The following CHD3 variants were observed in gnomAD, a reference collection of about 807,000 sequenced individuals.
CHD3 encodes the protein chromodomain helicase DNA binding protein 3.
CHD3 carries 52 observed loss-of-function variants against 248.9 expected under a neutral mutation model. That is an observed-to-expected ratio of 0.21 (90% CI 0.17 to 0.26). CHD3 has a LOEUF of 0.26. CHD3 is among the 10% of genes least tolerant of loss of function. The pLI is 1.00. For synonymous variants in CHD3, 985 were observed against 985.2 expected (o/e 1.00, Z 0.00); for missense variants, 1,482 against 2,605.8 (o/e 0.57, Z 9.39).
In CHD3 at chr17:7,910,065, C is replaced by A. The variant is rs954194333; in HGVS notation, c.5591-363C>A. On this transcript the variant is annotated intron_variant, in intron 37 of 39. Coordinates refer to ENST00000330494, the MANE Select transcript of CHD3 (RefSeq NM_001005273.3). This position sits in a 1 kb window ranked among gnomAD's most constrained non-coding sequence, Gnocchi z 4.7. ...ACTATTTCCTCCCCATCATCCCCAA[C>A]CCCAAACCTTGCTCTTCCAGTATGA... 2.9e-6 allele frequency: 1 copy of A among 345,718 alleles called. No homozygotes were observed. The allele number at this position is 345,718 out of a possible 1,614,324, so 21.4% of individuals were successfully genotyped here. A position where few individuals can be genotyped will look rare whatever the true frequency, so the allele number is the denominator to read the frequency against.
At position 7,909,613 on chromosome 17, in the gene CHD3, C is replaced by G; in HGVS notation, c.5590+275C>G. 2.0e-6 allele frequency: 1 copy of G among 506,506 alleles called. No homozygotes were observed. Among genetic ancestry groups the G allele is most frequent in the Non-Finnish European group, 3.5e-6 (1 of 287,416 alleles). The allele number at this position is 506,506 out of a possible 1,614,324, so 31.4% of individuals were successfully genotyped here. ...CTGTGTCCCCTCCACACAGTGGGGC[C>G]TCTTCACTGGCAGTGGAACTGCATG... On this transcript the variant is annotated intron_variant, in intron 37 of 39. Coordinates refer to ENST00000330494, the MANE Select transcript of CHD3 (RefSeq NM_001005273.3). This position sits in a 1 kb window ranked among gnomAD's most constrained non-coding sequence, Gnocchi z 8.1.
At chr17:7,885,343 G>A (rs1459276673), upstream of CHD3, 3 of 176,862 alleles carry the variant, frequency 1.7e-5, no homozygotes, top group Non-Finnish European at 3.2e-5. Flanking sequence ...CGCCGCCGCC[G>A]CCACCCCGGC....
Position 7,910,135 on chromosome 17 carries a change from CATCTT to C in CHD3, c.5591-292_5591-288del. On this transcript the variant is annotated intron_variant, in intron 37 of 39. Transcript: ENST00000330494. This position sits in a 1 kb window ranked among gnomAD's most constrained non-coding sequence, Gnocchi z 4.7. Reference sequence around the variant, plus strand: ...GCCCCCATGTCTTCCAATGTCCCCCCATCTTCCTTTCCTCCATGCTCCCTTTTTCT... The same window carrying C: ...GCCCCCATGTCTTCCAATGTCCCCCCCCTTTCCTCCATGCTCCCTTTTTCT... The C allele has an allele frequency of 2.5e-6, 1 of 401,828 alleles. No individual in the cohort carries two copies. Among genetic ancestry groups the C allele is most frequent in the Non-Finnish European group, 4.5e-6 (1 of 220,894 alleles). 24.9% of individuals were successfully genotyped at this position (401,828 alleles called of 1,614,324 possible).
chr17:7,902,341 G>C (rs139167725), intron 20 of CHD3, among the ~76,000 whole-genome samples: 1,937 of 152,102 alleles, frequency 0.013, 22 homozygotes, highest in Non-Finnish European at 0.02. Context: ...AGGATCACTT[G>C]AACCCAGGAG....
intron 13 of CHD3, 117 bp from the exon 14 acceptor site, chr17:7,898,894 C>G: frequency 1.1e-6 from 1 of 931,742 alleles, no homozygotes; most frequent in Non-Finnish European, 1.7e-6. Flanking sequence ...TTTGTAAACT[C>G]AGGCCATAGT....
In CHD3 at chr17:7,898,100, C is replaced by T. The variant is rs1203886087; in HGVS notation, c.2049C>T (p.His683=). 2 of 1,613,026 alleles carry T rather than the reference C, an allele frequency of 1.2e-6. No individual in the cohort carries two copies. Among genetic ancestry groups the T allele is most frequent in the South Asian group, 1.1e-5 (1 of 90,856 alleles). ...AACATAAGCAAAGCTACTGGAGACA[C>T]CGGTGAGGGAATGAGCTTGTGGATT... The part of the protein sequence containing the change: ...YEEHKQSYWR[H]RELIMGEDPA... The change falls in exon 12 of 40, where the codon CAC becomes CAT. Residue 683 remains histidine (H), a splice_region_variant and synonymous_variant. Transcript: ENST00000330494.
rs549767831 is a variant in CHD3, at chr17:7,910,891, G to A, written c.5799G>A (p.Ala1933=). 9.2e-5 allele frequency: 148 copies of A among 1,612,970 alleles called. No homozygotes were observed. The South Asian group carries it at 1.1e-3, about 12-fold the overall frequency. Residue 1933 remains alanine (A), a synonymous_variant, in exon 39 of 40, where the codon GCG becomes GCA. Coordinates refer to ENST00000330494, the MANE Select transcript of CHD3 (RefSeq NM_001005273.3). This position sits in a 1 kb window ranked among gnomAD's most constrained non-coding sequence, Gnocchi z 4.7. The stretch of plus-strand genomic sequence containing the variant: ...ACGCTACACCTCCGGGGTACGGGGC[G>A]GCCTTCAGCGCCGCACCCGTAGGGG... The part of the protein sequence containing the change: ...GPYATPPGYG[A]AFSAAPVGAL...
Position 7,906,382 on chromosome 17 carries a change from GT to G in CHD3, c.4359-169del. On this transcript the variant is annotated intron_variant, in intron 28 of 39. Transcript: ENST00000330494. This position sits in a 1 kb window ranked among gnomAD's most constrained non-coding sequence, Gnocchi z 5.0. ...CCCAGGGGTGGGGCGCAGGGGGACA[GT>G]TAGGACTTGGAGGGCTGGTAATGGT... is the stretch of plus-strand genomic sequence containing the variant. 1.4e-6 allele frequency: 1 copy of G among 717,226 alleles called. No individual in the cohort carries two copies. Among genetic ancestry groups the G allele is most frequent in the Non-Finnish European group, 2.4e-6 (1 of 418,582 alleles). The allele number at this position is 717,226 out of a possible 1,614,324, so 44.4% of individuals were successfully genotyped here. A position where few individuals can be genotyped will look rare whatever the true frequency, so the allele number is the denominator to read the frequency against.
upstream of CHD3, among the ~76,000 whole-genome samples, chr17:7,886,585 G>A (rs890932334): frequency 1.3e-5 from 2 of 152,106 alleles, no homozygotes; most frequent in East Asian, 1.9e-4. The surrounding 1 kb of genome is among the most constrained non-coding windows in gnomAD (Gnocchi z 4.2). Context: ...CTGGAAACTG[G>A]ATAAAGTCTC....
chr17:7,904,655 GA>G lies in CHD3; in HGVS notation c.4072+38del. The G allele has an allele frequency of 6.3e-7, 1 of 1,587,038 alleles. No homozygotes were observed. The highest frequency in any genetic ancestry group is 8.6e-7 in the Non-Finnish European group (1 of 1,159,348). ...CCCCAGATGCAGGCAGTAAAGGGGG[GA>G]AGTGATGATGAGTAGGGACTTGAAG... On this transcript the variant is annotated intron_variant, in intron 25 of 39. Coordinates refer to ENST00000330494, the MANE Select transcript of CHD3 (RefSeq NM_001005273.3). The surrounding 1 kb of genome is among the most constrained non-coding windows in gnomAD (Gnocchi z 4.4).
chr17:7,903,710 C>T lies in CHD3; in HGVS notation c.3728-115C>T. On this transcript the variant is annotated intron_variant, in intron 23 of 39. Transcript: ENST00000330494. This position sits in a 1 kb window ranked among gnomAD's most constrained non-coding sequence, Gnocchi z 6.8. ...AACAAAAACCTTTCAACATTGGCTC[C>T]CGGGGAAAAAGCCTTCTCTAGGGCT... 1 of 1,229,542 alleles carries T rather than the reference C, an allele frequency of 8.1e-7. No individual in the cohort carries two copies. Among genetic ancestry groups the T allele is most frequent in the South Asian group, 1.5e-5 (1 of 65,922 alleles). 76.2% of individuals were successfully genotyped at this position (1,229,542 alleles called of 1,614,324 possible). A position where few individuals can be genotyped will look rare whatever the true frequency, so the allele number is the denominator to read the frequency against.
chr17:7,908,683 T>C lies in CHD3; in HGVS notation c.5262-14T>C, dbSNP rs1368605571. On this transcript the variant is annotated splice_polypyrimidine_tract_variant and intron_variant, in intron 35 of 39. Transcript: ENST00000330494. This position sits in a 1 kb window ranked among gnomAD's most constrained non-coding sequence, Gnocchi z 5.8. ...TGTTAAATTCCTTGATGGTTCCTTT[T>C]CCTTCATTGGTAGCCATGGCTATGC... The C allele has an allele frequency of 3.7e-6, 6 of 1,613,826 alleles. No homozygotes were observed. Among genetic ancestry groups the C allele is most frequent in the Non-Finnish European group, 5.1e-6 (6 of 1,179,860 alleles).
Position 7,900,080 on chromosome 17 carries a change from C to A in CHD3, c.2682+47C>A. On this transcript the variant is annotated intron_variant, in intron 16 of 39. Coordinates refer to ENST00000330494, the MANE Select transcript of CHD3 (RefSeq NM_001005273.3). The surrounding 1 kb of genome is among the most constrained non-coding windows in gnomAD (Gnocchi z 6.5). The stretch of plus-strand genomic sequence containing the variant: ...AAAAAACTTGAAGTTGTGGACTTCC[C>A]ACTTGCCTTGGTCCTAAAAAACAAC... The A allele has an allele frequency of 1.3e-6, 2 of 1,572,124 alleles. No homozygotes were observed. Among genetic ancestry groups the A allele is most frequent in the South Asian group, 1.2e-5 (1 of 86,212 alleles).
At chr17:7,902,480 TGAG>T (rs907854883) in intron 20 of CHD3, 127 bp from the exon 21 acceptor site, 11 of 512,978 alleles carry the variant, frequency 2.1e-5, no homozygotes, top group East Asian at 3.0e-5. Flanking sequence ...GGTGGAATAA[TGAG>T]GAGCTTAAGA....
rs1408499220 is a variant in CHD3, at chr17:7,889,521, C to T, written c.101-143C>T. The T allele has an allele frequency of 1.3e-5, 9 of 675,432 alleles. No homozygotes were observed. Among genetic ancestry groups the T allele is most frequent in the Non-Finnish European group, 2.3e-5 (9 of 393,304 alleles). The allele number at this position is 675,432 out of a possible 1,614,324, so 41.8% of individuals were successfully genotyped here. ...GAGTACTCGAAACACTTTCTGTTTG[C>T]ATCCAGTGAAGGGAGGCAGGGCTTG... On this transcript the variant is annotated intron_variant, in intron 1 of 39. Transcript: ENST00000330494. The surrounding 1 kb of genome is among the most constrained non-coding windows in gnomAD (Gnocchi z 4.5).
chr17:7,895,261 G>T lies in CHD3; in HGVS notation c.1504-78G>T. 5.0e-6 allele frequency: 8 copies of T among 1,584,610 alleles called. No individual in the cohort carries two copies. The highest frequency in any genetic ancestry group is 6.9e-6 in the Non-Finnish European group (8 of 1,161,568). ...TTCTCTGCACTCCCCCACCCTTGTG[G>T]GACCCCTATCTTCTCATCTAACAAT... On this transcript the variant is annotated intron_variant, in intron 9 of 39. Transcript: ENST00000330494. This position sits in a 1 kb window ranked among gnomAD's most constrained non-coding sequence, Gnocchi z 4.9.
At chr17:7,886,430 A>G (rs1967960870), upstream of CHD3, among the ~76,000 whole-genome samples, 1 of 152,168 alleles carries the variant, frequency 6.6e-6, no homozygotes, top group Non-Finnish European at 1.5e-5. The surrounding 1 kb of genome is among the most constrained non-coding windows in gnomAD (Gnocchi z 4.2). Context: ...AATGCACCAA[A>G]CTTCAAAACG....
At chr17:7,894,635 G>A in intron 8 of CHD3, 27 bp downstream of exon 8, 2 of 1,592,108 alleles carry the variant, frequency 1.3e-6, no homozygotes, top group African/African-American at 1.3e-5. Flanking sequence ...AGCATCTGAT[G>A]GCCCTGAGGA....
chr17:7,894,439 GGGA>G lies in CHD3; in HGVS notation c.1109_1111del (p.Glu370del). The G allele has an allele frequency of 1.2e-6, 2 of 1,613,832 alleles. No individual in the cohort carries two copies. The highest frequency in any genetic ancestry group is 4.5e-5 in the East Asian group (2 of 44,880). On this transcript the variant is annotated inframe_deletion, in exon 8 of 40. Coordinates refer to ENST00000330494, the MANE Select transcript of CHD3 (RefSeq NM_001005273.3). ...GTCCTGGGCTGTCCTGCAGTGGCCG[GGGA>G]GGAGGAGGTTGATGGCTACGAGACG... is the stretch of plus-strand genomic sequence containing the variant.
Sources: allele counts gnomAD v4.1 joint callset (sites outside exome capture counted in the v4.1 genomes callset), GRCh38; gene constraint gnomAD v4.1.1; non-coding constraint Gnocchi (gnomAD v3.1); transcripts MANE v1.5; gene names NCBI Gene and HGNC (gene_info 2026-07-23, HGNC 2026-07-21).